Variants in CPNE1 observed in about 807,000 individuals in gnomAD.
CPNE1 encodes copine-1.
A neutral mutation model predicts 63.2 loss-of-function variants in CPNE1; 58 were observed. The observed-to-expected ratio is 0.92, with a 90% CI of 0.74 to 1.14. The LOEUF (loss-of-function observed/expected upper bound fraction) is 1.14, where lower values mean the gene tolerates loss of function less well. CPNE1 is among the 50% of genes most tolerant of loss of function. The pLI is 0.00. For missense variants in CPNE1, 672 were observed against 661.7 expected, an observed-to-expected ratio of 1.02 and a Z score of -0.17; for synonymous variants, 237 against 249.0, an observed-to-expected ratio of 0.95 and a Z score of 0.45.
At chr20:35,647,398 T>C (rs900314567) in intron 1 of CPNE1, 1 of 151,906 alleles carries the variant, frequency 6.6e-6, no homozygotes, top group African/African-American at 2.4e-5. Flanking sequence ...CTCTGTTTAA[T>C]TCGTTTTTAA....
Position 35,626,045 on chromosome 20 carries a change from T to TG in CPNE1, c.*195dup. ...ACACAAGAGAGTGGTGGCAAAGCAT[T>TG]GGTCTTCACTGGTCTTTATTGAATG... On this transcript the variant is annotated 3_prime_UTR_variant, in exon 16 of 16. Transcript: ENST00000397443. The TG allele has an allele frequency of 1.5e-6, 1 of 653,298 alleles. No homozygotes were observed. The highest frequency in any genetic ancestry group is 2.8e-6 in the Non-Finnish European group (1 of 363,406). The allele number at this position is 653,298 out of a possible 1,614,324, so 40.5% of individuals were successfully genotyped here.
At chr20:35,647,922 T>A (rs1322062314) in intron 1 of CPNE1, among the ~76,000 whole-genome samples, 1 of 146,406 alleles carries the variant, frequency 6.8e-6, no homozygotes, top group Non-Finnish European at 1.5e-5. Flanking sequence ...AAAAATTAGC[T>A]GGGCTTGGCG....
At position 35,630,918 on chromosome 20, in the gene CPNE1, C is replaced by T. The variant is rs2032082473; in HGVS notation, c.978G>A (p.Val326=). The change falls in exon 11 of 16, where the codon GTG becomes GTA. Residue 326 remains valine (V), a synonymous_variant. Transcript: ENST00000397443. ...GTACTCACGAGTCATAGTCCTGAAC[C>T]ACGCTGCCCACACTCCACAGTGCCA... ...YLMALWSVGS[V]VQDYDSDKLF... The T allele has an allele frequency of 6.2e-7, 1 of 1,609,660 alleles. No individual in the cohort carries two copies. Among genetic ancestry groups the T allele is most frequent in the Non-Finnish European group, 8.5e-7 (1 of 1,177,242 alleles).
chr20:35,644,149 G>GTT (rs1601445407), intron 1 of CPNE1, among the ~76,000 whole-genome samples: 2 of 152,136 alleles, frequency 1.3e-5, no homozygotes, highest in Admixed American at 1.3e-4. Flanking sequence ...CCGGCACAGA[G>GTT]TAAGTACCCA....
chr20:35,629,128 AAG>A (rs2031959033), intron 13 of CPNE1, among the ~76,000 whole-genome samples: 1 of 152,268 alleles, frequency 6.6e-6, no homozygotes, highest in Non-Finnish European at 1.5e-5. Flanking sequence ...TGTATGAGAA[AAG>A]AGAAAACAAA....
intron 1 of CPNE1, among the ~76,000 whole-genome samples, chr20:35,636,376 T>C (rs1236051304): frequency 6.6e-6 from 1 of 152,218 alleles, no homozygotes; most frequent in Non-Finnish European, 1.5e-5. Context: ...ATTTCACTAA[T>C]GCTGGGAATA....
intron 13 of CPNE1, 134 bp downstream of exon 13, chr20:35,630,300 ATAAAT>A (rs1047401772): frequency 6.9e-6 from 5 of 722,542 alleles, no homozygotes; most frequent in African/African-American, 3.6e-5. Flanking sequence ...TTCTCAAAAA[ATAAAT>A]TAAACTAAAA....
intron 1 of CPNE1, chr20:35,653,104 G>A (rs1052765606): frequency 9.3e-6 from 15 of 1,613,712 alleles, no homozygotes; most frequent in East Asian, 2.2e-5. Flanking sequence ...TCCTAATCCT[G>A]GAGGAGGGAT....
At chr20:35,632,423 G>A in intron 3 of CPNE1, 38 bp from the exon 4 acceptor site, 1 of 1,608,888 alleles carries the variant, frequency 6.2e-7, no homozygotes, top group South Asian at 1.1e-5. Context: ...AGGATAACAG[G>A]CAGGGTTAGG....
chr20:35,627,013 G>A (rs2031791850), intron 14 of CPNE1, among the ~76,000 whole-genome samples: 1 of 151,594 alleles, frequency 6.6e-6, no homozygotes, highest in Non-Finnish European at 1.5e-5. Context: ...CATGGTGAAA[G>A]CCCGTCTCTA....
intron 1 of CPNE1, chr20:35,659,119 A>G (rs1195493881): frequency 4.5e-6 from 2 of 448,712 alleles, no homozygotes; most frequent in African/African-American, 4.2e-5. Flanking sequence ...CCACCAGAGT[A>G]CTTCATTAGA....
At chr20:35,653,046 G>T in intron 1 of CPNE1, 2 of 1,613,900 alleles carry the variant, frequency 1.2e-6, no homozygotes, top group Non-Finnish European at 1.7e-6. Flanking sequence ...GCAAACCACT[G>T]TTTCCAACTG....
chr20:35,639,954 C>G (rs866240520), intron 1 of CPNE1, among the ~76,000 whole-genome samples: 1 of 152,146 alleles, frequency 6.6e-6, no homozygotes. Flanking sequence ...AGAATCAAAC[C>G]CCAGCCATAC....
intron 13 of CPNE1, among the ~76,000 whole-genome samples, chr20:35,627,914 G>A (rs927870099): frequency 1.3e-5 from 2 of 152,134 alleles, no homozygotes; most frequent in African/African-American, 4.8e-5. Context: ...CGAGGCTGAG[G>A]TGGGAGGACT....
chr20:35,636,899 C>T (rs761884768), intron 1 of CPNE1, among the ~76,000 whole-genome samples: 77 of 151,842 alleles, frequency 5.1e-4, no homozygotes, highest in Admixed American at 1.2e-3. Context: ...TAAATACACA[C>T]ACAGAAAAAT....
In CPNE1 at chr20:35,632,708, G is replaced by A; in HGVS notation, c.130-12C>T. ...TCAGTCCGGCCAAGCTGTGGGCAGA[G>A]GCCAGTAAGCATCACAGTCACAGCC... is the stretch of plus-strand genomic sequence containing the variant. On this transcript the variant is annotated splice_polypyrimidine_tract_variant and intron_variant, in intron 2 of 15. Coordinates refer to ENST00000397443, the MANE Select transcript of CPNE1 (RefSeq NM_152925.3). The A allele has an allele frequency of 1.1e-6, 1 of 921,050 alleles. No individual in the cohort carries two copies. The highest frequency in any genetic ancestry group is 1.8e-6 in the Non-Finnish European group (1 of 545,994). The allele number at this position is 921,050 out of a possible 1,614,324, so 57.1% of individuals were successfully genotyped here. A position where few individuals can be genotyped will look rare whatever the true frequency, so the allele number is the denominator to read the frequency against.
intron 13 of CPNE1, among the ~76,000 whole-genome samples, chr20:35,629,967 T>G (rs1338191730): frequency 2.0e-5 from 3 of 152,156 alleles, no homozygotes. Context: ...TGGCCTGGCA[T>G]GACGATTTGA....
chr20:35,626,298 G>A lies in CPNE1; in HGVS notation c.1557C>T (p.Ala519=), dbSNP rs1263437802. Residue 519 remains alanine, a synonymous_variant, in exon 16 of 16, where the codon GCC becomes GCT. Transcript: ENST00000397443. ...CTGAGGGTGGAAGTGGCTTGAGCGG[G>A]GCCCAACCCTGGGCCCTGAAGTATG... The part of the protein sequence containing the change: ...LVSYFRAQGW[A]PLKPLPPSAK... 6.2e-7 allele frequency: 1 copy of A among 1,613,904 alleles called. No individual in the cohort carries two copies. The highest frequency in any genetic ancestry group is 1.3e-5 in the African/African-American group (1 of 74,870).
intron 1 of CPNE1, chr20:35,653,028 T>C (rs2033640489): frequency 6.2e-7 from 1 of 1,613,830 alleles, no homozygotes; most frequent in East Asian, 2.2e-5. Context: ...CATCCAGTCC[T>C]AGACCAGGCA....
Sources: allele counts gnomAD v4.1 joint callset (sites outside exome capture counted in the v4.1 genomes callset), GRCh38; gene constraint gnomAD v4.1.1; transcripts MANE v1.5; gene names NCBI Gene and HGNC (gene_info 2026-07-23, HGNC 2026-07-21).